The following PCDHGA4 variants were observed in gnomAD, a reference collection of about 807,000 sequenced individuals.
The protein encoded by PCDHGA4 is protocadherin gamma-A4.
PCDHGA4 carries 38 observed loss-of-function variants against 54.6 expected under a neutral mutation model. The observed-to-expected ratio is 0.70, with a 90% confidence interval of 0.54 to 0.91. PCDHGA4 has a LOEUF of 0.91. Among genes scored for constraint, PCDHGA4 ranks in the 40% least tolerant of loss-of-function variants. The pLI is 0.00. For missense variants in PCDHGA4, 1,298 were observed against 1,220.9 expected (o/e 1.06, Z -0.94); for synonymous variants, 511 against 512.9 (o/e 1.00, Z 0.05).
chr5:141,359,946 T>A, intron 1 of PCDHGA4: 1 of 524,822 alleles, frequency 1.9e-6, no homozygotes, highest in Non-Finnish European at 3.1e-6. Flanking sequence ...TCGCTGTTGG[T>A]CAAAAGAACG....
intron 2 of PCDHGA4, among the ~76,000 whole-genome samples, chr5:141,495,521 C>G (rs1385879589): frequency 6.6e-6 from 1 of 152,144 alleles, no homozygotes; most frequent in Non-Finnish European, 1.5e-5. Flanking sequence ...TTTCTCTTAC[C>G]TCTCAGTCCT....
intron 1 of PCDHGA4, chr5:141,399,764 T>C: frequency 6.2e-7 from 1 of 1,613,252 alleles, no homozygotes; most frequent in Non-Finnish European, 8.5e-7. Flanking sequence ...AGCCTGCGCG[T>C]GTTGGTGGGC....
At chr5:141,388,360 A>C in intron 1 of PCDHGA4, 1 of 1,613,996 alleles carries the variant, frequency 6.2e-7, no homozygotes, top group South Asian at 1.1e-5. Context: ...TCTGCCCATG[A>C]TGCGGATATT....
intron 1 of PCDHGA4, among the ~76,000 whole-genome samples, chr5:141,363,604 C>T (rs907704240): frequency 6.6e-6 from 1 of 152,196 alleles, no homozygotes; most frequent in Non-Finnish European, 1.5e-5. Flanking sequence ...CAAACGCTGT[C>T]TGAGATAGTG....
chr5:141,417,939 C>T, intron 1 of PCDHGA4: 1 of 1,612,862 alleles, frequency 6.2e-7, no homozygotes, highest in Non-Finnish European at 8.5e-7. Context: ...TTGTTCTACC[C>T]CACGCTGTGT....
chr5:141,433,397 A>ATCTG (rs1179042498), intron 1 of PCDHGA4, among the ~76,000 whole-genome samples: 9 of 150,410 alleles, frequency 6.0e-5, no homozygotes, highest in Non-Finnish European at 1.0e-4. Context: ...CTATCTATCT[A>ATCTG]TCTATCTATT....
intron 1 of PCDHGA4, chr5:141,384,570 C>T (rs1344812982): frequency 6.2e-7 from 1 of 1,614,240 alleles, no homozygotes; most frequent in South Asian, 1.1e-5. Context: ...ACCAGAATGA[C>T]AACCCGCCCG....
intron 1 of PCDHGA4, among the ~76,000 whole-genome samples, chr5:141,483,644 G>GTGTT (rs919432945): frequency 6.8e-6 from 1 of 146,522 alleles, no homozygotes; most frequent in Non-Finnish European, 1.5e-5. Flanking sequence ...AGAGGGGTGT[G>GTGTT]TGTTTGTGTG....
chr5:141,501,288 T>TATACACATAC (rs201660636), intron 2 of PCDHGA4, among the ~76,000 whole-genome samples: 2 of 81,228 alleles, frequency 2.5e-5, no homozygotes, highest in African/African-American at 9.9e-5. Flanking sequence ...GATATTCCCT[T>TATACACATAC]ATACACACAC....
chr5:141,463,904 T>C (rs1289422146), intron 1 of PCDHGA4, among the ~76,000 whole-genome samples: 3 of 152,214 alleles, frequency 2.0e-5, no homozygotes, highest in African/African-American at 4.8e-5. Context: ...TTTGTACTAA[T>C]AATATATCCT....
rs755706235 is a variant in PCDHGA4 at position 141,476,450 on chromosome 5, G to A, written c.2515-18357G>A. ...TTGCACTGTAACTCTGGAGTTGGTA[G>A]TGGAGAACCCGCTGGAGCTGTTCAG... On this transcript the variant is annotated intron_variant, in intron 1 of 3. Transcript: ENST00000571252. The surrounding 1 kb of genome is among the most constrained non-coding windows in gnomAD (Gnocchi z 7.6). The A allele has an allele frequency of 6.2e-7, 1 of 1,614,180 alleles. No individual in the cohort carries two copies. The highest frequency in any genetic ancestry group is 8.5e-7 in the Non-Finnish European group (1 of 1,180,040).
intron 1 of PCDHGA4, among the ~76,000 whole-genome samples, chr5:141,472,980 C>CAAAAAAAAAAAAAAAAAGAAAAAA (rs2099309731): frequency 2.3e-5 from 2 of 86,106 alleles, no homozygotes; most frequent in Non-Finnish European, 5.0e-5. Flanking sequence ...GAGTGAAACT[C>CAAAAAAAAAAAAAAAAAGAAAAAA]AAAAAAAAAA....
At chr5:141,504,288 GT>G (rs1175142876) in intron 2 of PCDHGA4, among the ~76,000 whole-genome samples, 1 of 152,124 alleles carries the variant, frequency 6.6e-6, no homozygotes, top group Non-Finnish European at 1.5e-5. Flanking sequence ...ATCATTTCAT[GT>G]TTTTTCAACA....
rs2149992111 is a variant in PCDHGA4 at position 141,371,797 on chromosome 5, G to A, written c.2514+14176G>A. On this transcript the variant is annotated intron_variant, in intron 1 of 3. Transcript: ENST00000571252. ...CATGTAGCTGAGAACAATCCGCCTG[G>A]AGCCTCCATTGCGCATGTCAGAGCC... 1.9e-6 allele frequency: 3 copies of A among 1,613,898 alleles called. No homozygotes were observed. In the East Asian group the frequency reaches 6.7e-5, roughly 36 times the overall value.
chr5:141,422,194 C>A, intron 1 of PCDHGA4: 1 of 1,562,366 alleles, frequency 6.4e-7, no homozygotes, highest in South Asian at 1.2e-5. Flanking sequence ...AATTCAAGGC[C>A]AAGATGGTGG....
chr5:141,476,843 G>A lies in PCDHGA4; in HGVS notation c.2515-17964G>A, dbSNP rs2099399765. On this transcript the variant is annotated intron_variant, in intron 1 of 3. Transcript: ENST00000571252. The surrounding 1 kb of genome is among the most constrained non-coding windows in gnomAD (Gnocchi z 7.6). ...GCTGGACGCGAATGACAATGCGCCT[G>A]TCTTCAACCAGTCCTTGTACCGGGC... 1 of 1,613,706 alleles carries A rather than the reference G, an allele frequency of 6.2e-7. No individual in the cohort carries two copies. Among genetic ancestry groups the A allele is most frequent in the Non-Finnish European group, 8.5e-7 (1 of 1,180,046 alleles).
At chr5:141,371,209 G>T in intron 1 of PCDHGA4, 1 of 1,614,006 alleles carries the variant, frequency 6.2e-7, no homozygotes, top group Non-Finnish European at 8.5e-7. Context: ...ATGGATGAGG[G>T]CATCAATGCC....
chr5:141,384,609 T>A (rs967686346), intron 1 of PCDHGA4: 5 of 1,614,148 alleles, frequency 3.1e-6, no homozygotes, highest in African/African-American at 1.3e-5. Flanking sequence ...TCCCCACAGA[T>A]GGTTCTACTG....
intron 1 of PCDHGA4, chr5:141,389,444 C>T: frequency 6.2e-7 from 1 of 1,610,564 alleles, no homozygotes; most frequent in South Asian, 1.1e-5. Flanking sequence ...CCTTCGACCA[C>T]GAGCAGCTGC....
Sources: allele counts gnomAD v4.1 joint callset (sites outside exome capture counted in the v4.1 genomes callset), GRCh38; gene constraint gnomAD v4.1.1; non-coding constraint Gnocchi (gnomAD v3.1); transcripts MANE v1.5; gene names NCBI Gene and HGNC (gene_info 2026-07-23, HGNC 2026-07-21).